The following CMIP variants were observed in gnomAD, a reference collection of about 807,000 sequenced individuals.
CMIP encodes the protein c-Maf inducing protein, also known as C-Maf-inducing protein.
CMIP carries 13 observed loss-of-function variants against 97.3 expected under a neutral mutation model. That is an observed-to-expected ratio of 0.13 (90% CI 0.09 to 0.21). The LOEUF (loss-of-function observed/expected upper bound fraction) is 0.21, where lower values mean the gene tolerates loss of function less well. Ranked by LOEUF, CMIP falls within the 10% of genes least tolerant of loss-of-function variation. The pLI, the probability that CMIP is intolerant of heterozygous loss-of-function variation, is 1.00. For synonymous variants in CMIP, 538 were observed against 436.3 expected (o/e 1.23, Z -2.91); for missense variants, 847 against 1,024.9 (o/e 0.83, Z 2.37).
chr16:81,626,809 G>A lies in CMIP; in HGVS notation c.477+5883G>A, dbSNP rs1164213193. Among the ~76,000 whole-genome samples the A allele has an allele frequency of 3.8e-5, 5 of 133,084 alleles. 1 individual carries two copies. The highest frequency in any genetic ancestry group is 1.4e-4 in the African/African-American group (5 of 36,270). The allele number at this position is 133,084 out of a possible 152,430, so 87.3% of individuals were successfully genotyped here. A position where few individuals can be genotyped will look rare whatever the true frequency, so the allele number is the denominator to read the frequency against. The stretch of plus-strand genomic sequence containing the variant: ...AGAGAGTGTGTGTGTGTGTGTGTGT[G>A]TGTGTGTGGGGTGCATATGGGGTGA... On this transcript the variant is annotated intron_variant, in intron 3 of 20. Coordinates refer to ENST00000537098, the MANE Select transcript of CMIP (RefSeq NM_198390.3).
chr16:81,670,324 G>T lies in CMIP; in HGVS notation c.929+79G>T, dbSNP rs983253871. On this transcript the variant is annotated intron_variant, in intron 8 of 20. Coordinates refer to ENST00000537098, the MANE Select transcript of CMIP (RefSeq NM_198390.3). ...ATCCTGTTTACTCAGATATCCACGG[G>T]GGGCTGTCGTGTAATTAAATGAAGA... The T allele has an allele frequency of 2.8e-6, 4 of 1,435,412 alleles. No homozygotes were observed. The Admixed American group carries it at 8.0e-5, about 29-fold the overall frequency. 88.9% of individuals were successfully genotyped at this position (1,435,412 alleles called of 1,614,324 possible). A position where few individuals can be genotyped will look rare whatever the true frequency, so the allele number is the denominator to read the frequency against.
At chr16:81,626,466 T>C (rs1327975102) in intron 3 of CMIP, among the ~76,000 whole-genome samples, 2 of 143,232 alleles carry the variant, frequency 1.4e-5, no homozygotes, top group Non-Finnish European at 3.1e-5. Flanking sequence ...TGTGTGTATG[T>C]GTGGCATGTG....
chr16:81,510,689 A>G (rs144049245), intron 1 of CMIP, among the ~76,000 whole-genome samples: 141 of 152,326 alleles, frequency 9.3e-4, no homozygotes, highest in South Asian at 2.9e-3. Flanking sequence ...TAAAACAAAA[A>G]AAATCACAAA....
At chr16:81,462,926 C>T (rs1031525575) in intron 1 of CMIP, among the ~76,000 whole-genome samples, 11 of 152,060 alleles carry the variant, frequency 7.2e-5, no homozygotes, top group African/African-American at 2.4e-4. Context: ...TGATGACCAA[C>T]GATTAAAGAA....
At position 81,530,829 on chromosome 16, in the gene CMIP, C is replaced by T. The variant is rs527238350; in HGVS notation, c.301-76738C>T. On this transcript the variant is annotated intron_variant, in intron 1 of 20. Transcript: ENST00000537098. ...TACCCTCTTTTACATACATTATCTTCGATCAGTTCAGCTTCTTCTGCATAA... is the reference window on the plus strand; with the variant it reads ...TACCCTCTTTTACATACATTATCTTTGATCAGTTCAGCTTCTTCTGCATAA... 5.9e-5 allele frequency among the ~76,000 whole-genome samples: 9 copies of T among 152,256 alleles called. 1 individual carries two copies. The highest frequency in any genetic ancestry group is 1.7e-4 in the African/African-American group (7 of 41,548).
At chr16:81,458,741 A>T (rs111974069) in intron 1 of CMIP, among the ~76,000 whole-genome samples, 23 of 152,128 alleles carry the variant, frequency 1.5e-4, no homozygotes, top group Non-Finnish European at 2.9e-4. Flanking sequence ...TTTGATCCAG[A>T]CATTTCATAT....
intron 1 of CMIP, among the ~76,000 whole-genome samples, chr16:81,600,558 A>G (rs62043784): frequency 0.047 from 7,221 of 152,294 alleles, 234 homozygotes; most frequent in Non-Finnish European, 0.068. Flanking sequence ...GATAGATACC[A>G]GGCTAGTGGC....
intron 1 of CMIP, among the ~76,000 whole-genome samples, chr16:81,511,946 T>C (rs2089819649): frequency 6.6e-6 from 1 of 152,200 alleles, no homozygotes; most frequent in African/African-American, 2.4e-5. Context: ...AGGTCCTCAT[T>C]GAGATGTGCT....
At chr16:81,499,822 G>A (rs770915431) in intron 1 of CMIP, among the ~76,000 whole-genome samples, 6 of 152,368 alleles carry the variant, frequency 3.9e-5, no homozygotes, top group Middle Eastern at 3.4e-3. Flanking sequence ...CCAGCAACTC[G>A]CAGTTGTTGC....
chr16:81,683,011 C>T (rs1220723101), intron 10 of CMIP, among the ~76,000 whole-genome samples: 1 of 152,204 alleles, frequency 6.6e-6, no homozygotes, highest in Non-Finnish European at 1.5e-5. Flanking sequence ...TCTTTTCCTG[C>T]TGGGCACCTA....
At chr16:81,512,012 G>C (rs760256132) in intron 1 of CMIP, among the ~76,000 whole-genome samples, 9 of 152,158 alleles carry the variant, frequency 5.9e-5, no homozygotes, top group Non-Finnish European at 1.0e-4. Flanking sequence ...AAAATATACA[G>C]TATCTCACTA....
At chr16:81,675,875 A>T (rs532968771) in intron 9 of CMIP, among the ~76,000 whole-genome samples, 8 of 152,118 alleles carry the variant, frequency 5.3e-5, no homozygotes, top group Admixed American at 3.3e-4. Flanking sequence ...GGGGCCTGAG[A>T]CTCTGCTTGT....
intron 3 of CMIP, among the ~76,000 whole-genome samples, chr16:81,647,896 A>G (rs1427579987): frequency 2.9e-5 from 4 of 137,590 alleles, no homozygotes; most frequent in South Asian, 2.5e-4. Flanking sequence ...CGCACCCACA[A>G]CGCCGTAGCC....
chr16:81,640,513 A>G (rs2092291771), intron 3 of CMIP, among the ~76,000 whole-genome samples: 1 of 152,188 alleles, frequency 6.6e-6, no homozygotes, highest in African/African-American at 2.4e-5. Flanking sequence ...AACAGCTGCT[A>G]TGACAAATTT....
Position 81,445,266 on chromosome 16 carries a change from G to T in CMIP, c.25G>T (p.Gly9Cys), listed in dbSNP as rs781077662. The T allele has an allele frequency of 6.5e-7, 1 of 1,538,988 alleles. No individual in the cohort carries two copies. ...CATGGATGTGACCAGCAGCTCGGGC[G>T]GCGGCGGCGACCCCCGGCAGATCGA... MDVTSSSG[G>C]GGDPRQIEET... Residue 9 changes from glycine (G) to cysteine (C), a missense_variant, in exon 1 of 21, where the codon GGC becomes TGC. Physicochemically the swap from Gly to Cys is radical, Grantham distance 159 (BLOSUM62 -3). Around this residue, in one of 4 missense-constraint regions of CMIP, gnomAD observed 94 missense variants for 79.9 expected, o/e 1.18. Transcript: ENST00000537098.
Position 81,710,758 on chromosome 16 carries a change from T to C in CMIP, c.*959T>C, listed in dbSNP as rs1908677523. 1 of 152,048 alleles carries C rather than the reference T, an allele frequency of 6.6e-6. No homozygotes were observed. 9.4% of individuals were successfully genotyped at this position (152,048 alleles called of 1,614,324 possible). On this transcript the variant is annotated 3_prime_UTR_variant, in exon 21 of 21. Transcript: ENST00000537098. ...TCCACTAAGGCCCAAGCTCTTTCTC[T>C]CGGCACCTTTTAGACTTGAATGGGA...
rs1474342297 is a variant in CMIP at position 81,707,069 on chromosome 16, C to G, written c.2253C>G (p.Thr751=). Residue 751 remains threonine (T), a synonymous_variant, in exon 20 of 21, where the codon ACC becomes ACG. Coordinates refer to ENST00000537098, the MANE Select transcript of CMIP (RefSeq NM_198390.3). ...ACAGCACCAAGCTCTCAGCTGACAC[C>G]TACGAAGATCTGAAGGTAATTCCCT... The part of the protein sequence containing the change: ...NMNSTKLSAD[T]YEDLKAKLPN... The G allele has an allele frequency of 6.2e-7, 1 of 1,613,596 alleles. No homozygotes were observed. Among genetic ancestry groups the G allele is most frequent in the Non-Finnish European group, 8.5e-7 (1 of 1,179,726 alleles).
At chr16:81,495,556 G>A (rs959731714) in intron 1 of CMIP, 2 of 1,544,248 alleles carry the variant, frequency 1.3e-6, no homozygotes, top group South Asian at 1.2e-5. Context: ...AACCTCGCCT[G>A]CTGCTGCTGG....
intron 1 of CMIP, among the ~76,000 whole-genome samples, chr16:81,508,319 A>T (rs976388070): frequency 6.6e-6 from 1 of 152,200 alleles, no homozygotes; most frequent in Admixed American, 6.5e-5. Flanking sequence ...TGTGGACATA[A>T]TTAGGTACAT....
Sources: allele counts gnomAD v4.1 joint callset (sites outside exome capture counted in the v4.1 genomes callset), GRCh38; gene constraint gnomAD v4.1.1; regional missense constraint gnomAD v4.1.1; transcripts MANE v1.5; gene names NCBI Gene and HGNC (gene_info 2026-07-23, HGNC 2026-07-21).